The following SORCS2 variants were observed in gnomAD, a reference collection of about 807,000 sequenced individuals.
The protein encoded by SORCS2 is VPS10 domain-containing receptor SorCS2.
In SORCS2, 100 loss-of-function variants were observed where a neutral mutation model predicts 141.6. The observed-to-expected ratio is 0.71, with a 90% CI of 0.60 to 0.83. The LOEUF (loss-of-function observed/expected upper bound fraction) is 0.83. Among genes scored for constraint, SORCS2 ranks in the 40% least tolerant of loss-of-function variants. SORCS2 has a pLI of 0.00. For synonymous variants in SORCS2, 789 were observed against 676.9 expected, an observed-to-expected ratio of 1.17 and a Z score of -2.57; for missense variants, 1,646 against 1,560.2, an observed-to-expected ratio of 1.05 and a Z score of -0.93.
In SORCS2 at chr4:7,433,546, T is replaced by TA. The variant is rs976664554; in HGVS notation, c.548+37192dup. ...GAGACTCTCAATGAGCACGGGCTCG[T>TA]ACTGGGTGACGAAGTGCTTGCACTG... is the stretch of plus-strand genomic sequence containing the variant. On this transcript the variant is annotated intron_variant, in intron 2 of 26. Coordinates refer to ENST00000507866, the MANE Select transcript of SORCS2 (RefSeq NM_020777.3). 4 of 1,610,620 alleles carry TA rather than the reference T, an allele frequency of 2.5e-6. No individual in the cohort carries two copies. The African/African-American group carries it at 5.3e-5, about 22-fold the overall frequency.
At chr4:7,543,918 A>ATCCATCCATCCACCCATCCACCCC (rs1713004229) in intron 3 of SORCS2, among the ~76,000 whole-genome samples, 1 of 88,778 alleles carries the variant, frequency 1.1e-5, no homozygotes, top group Non-Finnish European at 2.2e-5. Context: ...CCATCCACCC[A>ATCCATCCATCCACCCATCCACCCC]TCCACCCATC....
At chr4:7,231,869 G>A (rs1711914106) in intron 1 of SORCS2, among the ~76,000 whole-genome samples, 1 of 152,224 alleles carries the variant, frequency 6.6e-6, no homozygotes, top group African/African-American at 2.4e-5. Context: ...TGGCATCTGG[G>A]GGGATTGGGA....
At chr4:7,671,898 G>A (rs2108940867) in intron 8 of SORCS2, among the ~76,000 whole-genome samples, 1 of 150,136 alleles carries the variant, frequency 6.7e-6, no homozygotes, top group East Asian at 2.0e-4. Flanking sequence ...AACACAAAGA[G>A]ATCCACACCA....
At chr4:7,215,988 CTG>C (rs1194154868) in intron 1 of SORCS2, among the ~76,000 whole-genome samples, 1 of 151,954 alleles carries the variant, frequency 6.6e-6, no homozygotes, top group African/African-American at 2.4e-5. Context: ...CCCTTCCACA[CTG>C]TGGAAGCTTT....
Position 7,676,069 on chromosome 4 carries a change from C to T in SORCS2, c.1181C>T (p.Thr394Met), listed in dbSNP as rs373750171. ...ALPKDLQIIS[T>M]DESQVFVAVQ... ...CCACAGGATCTGCAGATCATCAGCA[C>T]GGACGAGAGTCAGGTGTTCGTGGCG... Residue 394 changes from threonine (T) to methionine (M), a missense_variant, in exon 9 of 27, where the codon ACG (threonine) becomes ATG (methionine). By Grantham distance (81) the Thr-to-Met change is moderately conservative. Transcript: ENST00000507866. 6.2e-5 allele frequency: 98 copies of T among 1,588,518 alleles called. No homozygotes were observed. Among genetic ancestry groups the T allele is most frequent in the Middle Eastern group, 3.3e-4 (2 of 6,032 alleles).
chr4:7,522,882 CCTCCTCCCTCTTCT>C (rs1232601232), intron 2 of SORCS2, among the ~76,000 whole-genome samples: 26 of 1,278 alleles, frequency 0.02, 1 homozygote, highest in African/African-American at 0.032. Flanking sequence ...TCCCCTCTTC[CCTCCTCCCTCTTCT>C]CTCCTCCCTC....
chr4:7,486,038 C>T (rs367707071), intron 2 of SORCS2, among the ~76,000 whole-genome samples: 14 of 152,156 alleles, frequency 9.2e-5, no homozygotes, highest in Non-Finnish European at 1.8e-4. Context: ...CCCTGCATAC[C>T]GAAGCCCACG....
chr4:7,729,635 C>A lies in SORCS2; in HGVS notation c.3031C>A (p.Leu1011Met). The change falls in exon 23 of 27, where the codon CTG becomes ATG. Residue 1011 changes from leucine (L) to methionine (M), a missense_variant. Leu to Met is a conservative substitution (Grantham distance 15, BLOSUM62 2). Transcript: ENST00000507866. ...ELLVTVVKPG[L>M]PTLADLYVLL... ...TCTGGTGACTGTGGTGAAGCCGGGG[C>A]TGCCCACTTTGGCCGATCTGTACGT... is the stretch of plus-strand genomic sequence containing the variant. The A allele has an allele frequency of 6.3e-7, 1 of 1,599,074 alleles. No homozygotes were observed. The highest frequency in any genetic ancestry group is 1.7e-5 in the Admixed American group (1 of 57,932).
At chr4:7,300,878 C>T (rs1717385523) in intron 1 of SORCS2, among the ~76,000 whole-genome samples, 1 of 152,210 alleles carries the variant, frequency 6.6e-6, no homozygotes, top group Non-Finnish European at 1.5e-5. Flanking sequence ...CTGTGTCTGG[C>T]CACTCGGCCT....
chr4:7,475,302 G>C (rs928049093), intron 2 of SORCS2, among the ~76,000 whole-genome samples: 4 of 152,182 alleles, frequency 2.6e-5, no homozygotes. Flanking sequence ...TGGAGAGCTG[G>C]TCATGGTGGG....
At chr4:7,630,349 C>T (rs556514200) in intron 3 of SORCS2, among the ~76,000 whole-genome samples, 8 of 152,382 alleles carry the variant, frequency 5.2e-5, no homozygotes, top group Admixed American at 2.0e-4. Context: ...AAGAGTAGAT[C>T]TTTCTTTCTG....
At chr4:7,504,249 C>T (rs756733710) in intron 2 of SORCS2, among the ~76,000 whole-genome samples, 6 of 152,194 alleles carry the variant, frequency 3.9e-5, no homozygotes, top group African/African-American at 1.2e-4. Flanking sequence ...GGACATCTGG[C>T]GGCCATCACT....
At chr4:7,272,559 T>C (rs1031520781) in intron 1 of SORCS2, among the ~76,000 whole-genome samples, 3 of 152,242 alleles carry the variant, frequency 2.0e-5, no homozygotes, top group South Asian at 2.1e-4. Flanking sequence ...TAGGACCTGC[T>C]GTAAATCACT....
intron 1 of SORCS2, among the ~76,000 whole-genome samples, chr4:7,256,202 G>A (rs1443232988): frequency 6.6e-6 from 1 of 152,152 alleles, no homozygotes; most frequent in East Asian, 1.9e-4. Flanking sequence ...CTTGAGAGTG[G>A]GGAGAGCGTG....
At chr4:7,486,648 G>C (rs1248877981) in intron 2 of SORCS2, among the ~76,000 whole-genome samples, 1 of 152,186 alleles carries the variant, frequency 6.6e-6, no homozygotes, top group Non-Finnish European at 1.5e-5. Context: ...CAGAAGCCTG[G>C]AAGTCGGAAA....
At chr4:7,445,789 G>T (rs60438277) in intron 2 of SORCS2, among the ~76,000 whole-genome samples, 14 of 152,060 alleles carry the variant, frequency 9.2e-5, no homozygotes, top group East Asian at 7.8e-4. Flanking sequence ...GGCTGGATAC[G>T]TCGGGAAGTA....
chr4:7,651,149 C>G (rs559100587), intron 4 of SORCS2, among the ~76,000 whole-genome samples: 87 of 152,086 alleles, frequency 5.7e-4, no homozygotes, highest in Non-Finnish European at 8.4e-4. Flanking sequence ...AACACCGAGC[C>G]AGAGTCAGAG....
At chr4:7,696,123 TG>T (rs1724693028) in intron 11 of SORCS2, among the ~76,000 whole-genome samples, 1 of 152,230 alleles carries the variant, frequency 6.6e-6, no homozygotes, top group African/African-American at 2.4e-5. Flanking sequence ...CCATCTTCTT[TG>T]GAATTTTCCA....
At chr4:7,223,295 G>GCACACACA (rs10553971) in intron 1 of SORCS2, among the ~76,000 whole-genome samples, 6 of 129,650 alleles carry the variant, frequency 4.6e-5, no homozygotes, top group African/African-American at 8.1e-5. Context: ...GTGTATATGC[G>GCACACACA]CACACACACA....
Sources: allele counts gnomAD v4.1 joint callset (sites outside exome capture counted in the v4.1 genomes callset), GRCh38; gene constraint gnomAD v4.1.1; transcripts MANE v1.5; gene names NCBI Gene and HGNC (gene_info 2026-07-23, HGNC 2026-07-21).